The following APBA1 variants were observed in gnomAD, a reference collection of about 807,000 sequenced individuals.
APBA1 encodes amyloid-beta A4 precursor protein-binding family A member 1.
Under a neutral mutation model 86.6 loss-of-function variants are expected in APBA1, and 55 were observed. The observed-to-expected ratio is 0.64, with a 90% confidence interval of 0.51 to 0.80. The LOEUF (loss-of-function observed/expected upper bound fraction) is 0.80. Ranked by LOEUF, APBA1 falls within the 30% of genes least tolerant of loss-of-function variation. The pLI, the probability that APBA1 is intolerant of heterozygous loss-of-function variation, is 0.00. For synonymous variants in APBA1, 511 were observed against 493.9 expected, an observed-to-expected ratio of 1.03 and a Z score of -0.46; for missense variants, 1,090 against 1,183.0, an observed-to-expected ratio of 0.92 and a Z score of 1.15.
intron 1 of APBA1, among the ~76,000 whole-genome samples, chr9:69,587,851 C>G (rs866087259): frequency 2.6e-5 from 4 of 151,712 alleles, no homozygotes; most frequent in African/African-American, 9.7e-5. Flanking sequence ...ATAGTGAAAC[C>G]CCGTCTCTAC....
At chr9:69,513,798 C>A (rs532283161) in intron 2 of APBA1, among the ~76,000 whole-genome samples, 1 of 152,210 alleles carries the variant, frequency 6.6e-6, no homozygotes, top group Admixed American at 6.5e-5. Flanking sequence ...CCACTCTGAC[C>A]TGCGTAGCTC....
chr9:69,452,349 T>C (rs746298129), intron 8 of APBA1, 48 bp from the exon 9 acceptor site: 2 of 1,586,138 alleles, frequency 1.3e-6, no homozygotes. Context: ...GCAGTGCACC[T>C]GGTGAGCGGC....
intron 2 of APBA1, among the ~76,000 whole-genome samples, chr9:69,485,518 A>G (rs1297808431): frequency 3.3e-5 from 5 of 152,066 alleles, no homozygotes. Context: ...ATTGTCACAT[A>G]TATCTCTGTC....
intron 1 of APBA1, among the ~76,000 whole-genome samples, chr9:69,656,131 C>T (rs1823607435): frequency 1.3e-5 from 2 of 152,204 alleles, no homozygotes. Flanking sequence ...CAGGTGCTAT[C>T]ACCAACGTGG....
At chr9:69,665,055 T>C (rs1474696905) in intron 1 of APBA1, among the ~76,000 whole-genome samples, 3 of 152,232 alleles carry the variant, frequency 2.0e-5, no homozygotes, top group Non-Finnish European at 2.9e-5. Context: ...GCTCTGCCTC[T>C]CTGCTTCTCT....
chr9:69,450,323 A>C (rs1834985073), intron 9 of APBA1, among the ~76,000 whole-genome samples: 1 of 152,138 alleles, frequency 6.6e-6, no homozygotes, highest in Admixed American at 6.5e-5. Context: ...TCACAACCAA[A>C]AGGCTGGGTG....
intron 2 of APBA1, among the ~76,000 whole-genome samples, chr9:69,485,452 A>G (rs1449335290): frequency 6.6e-6 from 1 of 152,180 alleles, no homozygotes; most frequent in Non-Finnish European, 1.5e-5. Context: ...TTAACTTTCA[A>G]AGAATAATTT....
At chr9:69,662,169 G>C (rs550914017) in intron 1 of APBA1, among the ~76,000 whole-genome samples, 1 of 152,088 alleles carries the variant, frequency 6.6e-6, no homozygotes, top group Non-Finnish European at 1.5e-5. Flanking sequence ...ACCAGCAACT[G>C]TCTGGGCCCA....
intron 1 of APBA1, among the ~76,000 whole-genome samples, chr9:69,595,933 C>A (rs1822218482): frequency 1.3e-5 from 2 of 152,120 alleles, no homozygotes; most frequent in Admixed American, 1.3e-4. Context: ...ACTCTAGACA[C>A]CCCCACACAA....
chr9:69,510,242 T>C (rs1221278178), intron 2 of APBA1, among the ~76,000 whole-genome samples: 1 of 151,744 alleles, frequency 6.6e-6, no homozygotes, highest in Non-Finnish European at 1.5e-5. Flanking sequence ...ACAAAATCAA[T>C]GTATAAAAAT....
intron 1 of APBA1, among the ~76,000 whole-genome samples, chr9:69,660,781 A>T (rs536136625): frequency 1.3e-5 from 2 of 152,344 alleles, no homozygotes; most frequent in South Asian, 4.1e-4. Flanking sequence ...TGGGGGGCAT[A>T]CTATACATAT....
intron 1 of APBA1, among the ~76,000 whole-genome samples, chr9:69,602,988 T>C (rs1270074557): frequency 6.6e-6 from 1 of 152,180 alleles, no homozygotes; most frequent in Non-Finnish European, 1.5e-5. Flanking sequence ...AATCAACATG[T>C]GGAATTTTCC....
chr9:69,568,627 T>C (rs953080703), intron 1 of APBA1, among the ~76,000 whole-genome samples: 34 of 152,198 alleles, frequency 2.2e-4, no homozygotes, highest in Admixed American at 1.6e-3. Context: ...AACTCATTCA[T>C]ATAAATCATT....
intron 2 of APBA1, among the ~76,000 whole-genome samples, chr9:69,496,766 G>A (rs1333434185): frequency 2.0e-5 from 3 of 151,994 alleles, no homozygotes; most frequent in African/African-American, 7.3e-5. Context: ...AGAAAATCTT[G>A]GGGTGTTGAT....
chr9:69,578,693 G>A (rs907619959), intron 1 of APBA1, among the ~76,000 whole-genome samples: 1 of 152,238 alleles, frequency 6.6e-6, no homozygotes, highest in African/African-American at 2.4e-5. Flanking sequence ...TTTTACAGGA[G>A]TGGGGAGCCC....
In APBA1 at chr9:69,432,579, G is replaced by C. The variant is rs780376994; in HGVS notation, c.2399C>G (p.Pro800Arg). The stretch of plus-strand genomic sequence containing the variant: ...GAGAATGTGGACGATCTTCTCGTGG[G>C]GGGTGGCCACGACGCTCTGTCCATT... ...EINGQSVVAT[P>R]HEKIVHILSN... Residue 800 changes from proline (P) to arginine (R), a missense_variant, in exon 12 of 13, where the codon CCC becomes CGC. Coordinates refer to ENST00000265381, the MANE Select transcript of APBA1 (RefSeq NM_001163.4). The C allele has an allele frequency of 1.6e-5, 26 of 1,600,038 alleles. No homozygotes were observed. In the South Asian group the frequency reaches 2.4e-4, roughly 15 times the overall value.
At chr9:69,519,308 A>G (rs57951754) in intron 1 of APBA1, among the ~76,000 whole-genome samples, 2,104 of 152,352 alleles carry the variant, frequency 0.014, 44 homozygotes, top group African/African-American at 0.048. Context: ...GCAGTTCACA[A>G]TAGAGTTCAT....
intron 5 of APBA1, among the ~76,000 whole-genome samples, chr9:69,467,327 A>T (rs1835294714): frequency 6.6e-6 from 1 of 152,170 alleles, no homozygotes; most frequent in African/African-American, 2.4e-5. Flanking sequence ...CCTTGCACTG[A>T]CCTTAGACTA....
At chr9:69,668,934 T>C (rs1453007271) in intron 1 of APBA1, among the ~76,000 whole-genome samples, 1 of 152,232 alleles carries the variant, frequency 6.6e-6, no homozygotes, top group South Asian at 2.1e-4. Flanking sequence ...CCCTGTGAAC[T>C]CCCACAGCTC....
Sources: gnomAD v4.1 joint callset for allele counts (sites outside exome capture counted in the v4.1 genomes callset) on GRCh38, gnomAD v4.1.1 for gene constraint, MANE v1.5 for transcripts, NCBI Gene and HGNC (gene_info 2026-07-23, HGNC 2026-07-21) for gene names.